GNAI1: variants seen among roughly 807,000 people sequenced by gnomAD.
GNAI1 encodes guanine nucleotide-binding protein G(i) subunit alpha-1.
GNAI1 carries 11 observed loss-of-function variants against 38.9 expected under a neutral mutation model. That is an observed-to-expected ratio of 0.28 (90% CI 0.18 to 0.47). GNAI1 has a LOEUF of 0.47. GNAI1 is among the 20% of genes least tolerant of loss of function. The probability of loss-of-function intolerance (pLI) is 0.99; values close to 1 mark genes in which losing one functional copy is unlikely to be tolerated. For synonymous variants in GNAI1, 166 were observed against 145.1 expected (o/e 1.14, Z -1.04); for missense variants, 317 against 436.9 (o/e 0.73, Z 2.45).
chr7:80,155,712 A>T (rs971111520), intron 1 of GNAI1, among the ~76,000 whole-genome samples: 5 of 151,768 alleles, frequency 3.3e-5, no homozygotes, highest in African/African-American at 1.2e-4. Context: ...TAGCACAGTT[A>T]CACAGTTAGA....
chr7:80,147,257 C>G (rs1360722526), intron 1 of GNAI1, among the ~76,000 whole-genome samples: 1 of 151,866 alleles, frequency 6.6e-6, no homozygotes, highest in Non-Finnish European at 1.5e-5. Flanking sequence ...CCAAAATTCA[C>G]ATGTCGAAAC....
In GNAI1 at chr7:80,222,382, A is replaced by ATTTTTTTTTTT. The variant is rs67345654; in HGVS notation, c.*4898_*4908dup. Among the ~76,000 whole-genome samples, 3 of 127,874 alleles carry ATTTTTTTTTTT rather than the reference A, an allele frequency of 2.3e-5. No homozygotes were observed. Among genetic ancestry groups the ATTTTTTTTTTT allele is most frequent in the African/African-American group, 3.0e-5 (1 of 33,784 alleles). The allele number at this position is 127,874 out of a possible 152,430, so 83.9% of individuals were successfully genotyped here. A position where few individuals can be genotyped will look rare whatever the true frequency, so the allele number is the denominator to read the frequency against. ...TGAAGGAGCTAGTTCTTCAAATTTAATTTTTTTTTTTTTTTTTTTCCTGAG... is the reference window on the plus strand; with the variant it reads ...TGAAGGAGCTAGTTCTTCAAATTTAATTTTTTTTTTTTTTTTTTTTTTTTTTTTTTCCTGAG... On this transcript the variant is annotated 3_prime_UTR_variant, in exon 8 of 8. Transcript: ENST00000649796.
intron 1 of GNAI1, among the ~76,000 whole-genome samples, chr7:80,170,704 A>G (rs1374309134): frequency 6.6e-6 from 1 of 152,072 alleles, no homozygotes; most frequent in African/African-American, 2.4e-5. Flanking sequence ...ATCTCAGATA[A>G]CTCACTCACT....
chr7:80,160,756 G>A (rs1199978173), intron 1 of GNAI1, among the ~76,000 whole-genome samples: 1 of 152,106 alleles, frequency 6.6e-6, no homozygotes, highest in East Asian at 1.9e-4. Flanking sequence ...GTTTTATTAA[G>A]GAGAGTATTT....
At chr7:80,195,948 C>T (rs937484108) in intron 3 of GNAI1, among the ~76,000 whole-genome samples, 2 of 151,854 alleles carry the variant, frequency 1.3e-5, no homozygotes, top group Non-Finnish European at 2.9e-5. Flanking sequence ...TCTTTCTTAC[C>T]TTTAATTATG....
chr7:80,188,426 TG>T (rs1477036142), intron 1 of GNAI1, among the ~76,000 whole-genome samples: 20 of 152,206 alleles, frequency 1.3e-4, no homozygotes, highest in African/African-American at 3.6e-4. Flanking sequence ...AGTAGAAGCA[TG>T]TTTTTTTATT....
intron 1 of GNAI1, among the ~76,000 whole-genome samples, chr7:80,136,929 C>A (rs950095333): frequency 2.0e-5 from 3 of 152,288 alleles, no homozygotes; most frequent in East Asian, 1.9e-4. Flanking sequence ...CAGAAGAGAT[C>A]AGTGTGTCTT....
intron 1 of GNAI1, among the ~76,000 whole-genome samples, chr7:80,165,610 TTTCTC>T (rs1431708575): frequency 1.3e-5 from 2 of 152,224 alleles, no homozygotes; most frequent in African/African-American, 2.4e-5. Context: ...GGCAGAATGT[TTTCTC>T]TTTCTCTTGT....
chr7:80,207,991 A>G (rs1203417385), intron 5 of GNAI1, among the ~76,000 whole-genome samples: 4 of 152,062 alleles, frequency 2.6e-5, no homozygotes, highest in African/African-American at 4.8e-5. Context: ...TTTCATTTCT[A>G]TAGTAGTATA....
chr7:80,214,189 T>C (rs1024871412), intron 7 of GNAI1, among the ~76,000 whole-genome samples: 2 of 152,206 alleles, frequency 1.3e-5, no homozygotes, highest in Non-Finnish European at 2.9e-5. Context: ...AAATTACACT[T>C]CAGTTCAAAC....
intron 3 of GNAI1, among the ~76,000 whole-genome samples, chr7:80,189,867 T>G (rs1480808544): frequency 1.3e-5 from 2 of 151,818 alleles, no homozygotes; most frequent in Non-Finnish European, 2.9e-5. Context: ...TGCCTGTGCC[T>G]CCTCATTTGG....
chr7:80,144,838 G>GATCCATGT (rs1787590646), intron 1 of GNAI1, among the ~76,000 whole-genome samples: 1 of 152,122 alleles, frequency 6.6e-6, no homozygotes, highest in Admixed American at 6.5e-5. Flanking sequence ...GCTTGAAATT[G>GATCCATGT]ATCCATGTAT....
intron 1 of GNAI1, among the ~76,000 whole-genome samples, chr7:80,153,355 G>A (rs1199351574): frequency 1.3e-5 from 2 of 152,044 alleles, no homozygotes; most frequent in Non-Finnish European, 2.9e-5. Context: ...GTAAGCTGTA[G>A]TTAATGCTTG....
At chr7:80,175,509 C>T (rs1356107161) in intron 1 of GNAI1, among the ~76,000 whole-genome samples, 1 of 150,122 alleles carries the variant, frequency 6.7e-6, no homozygotes, top group African/African-American at 2.5e-5. Context: ...ACAGGCATAC[C>T]TTGTATTATT....
In GNAI1 at chr7:80,217,779, T is replaced by C. The variant is rs1029961321; in HGVS notation, c.*286T>C. ...GTAAATATGCAAATGTATGTATACA[T>C]GTATTTATGACTTTAGTTTTCGACA... is the stretch of plus-strand genomic sequence containing the variant. On this transcript the variant is annotated 3_prime_UTR_variant, in exon 8 of 8. Coordinates refer to ENST00000649796, the MANE Select transcript of GNAI1 (RefSeq NM_002069.6). 9.8e-6 allele frequency: 2 copies of C among 204,382 alleles called. No homozygotes were observed. Among genetic ancestry groups the C allele is most frequent in the East Asian group, 1.0e-4 (1 of 9,756 alleles). 12.7% of individuals were successfully genotyped at this position (204,382 alleles called of 1,614,324 possible).
At chr7:80,209,950 C>G (rs149995097) in intron 5 of GNAI1, among the ~76,000 whole-genome samples, 4 of 152,240 alleles carry the variant, frequency 2.6e-5, no homozygotes, top group East Asian at 3.9e-4. Flanking sequence ...AAGAAGCCCA[C>G]TTAAGTGATC....
At chr7:80,215,871 G>T (rs1788959663) in intron 7 of GNAI1, among the ~76,000 whole-genome samples, 1 of 152,158 alleles carries the variant, frequency 6.6e-6, no homozygotes. Flanking sequence ...AGCCGGTGAA[G>T]TAGAATGAAG....
At chr7:80,168,804 A>G (rs1788056221) in intron 1 of GNAI1, among the ~76,000 whole-genome samples, 1 of 152,176 alleles carries the variant, frequency 6.6e-6, no homozygotes, top group Non-Finnish European at 1.5e-5. Context: ...CCAATTAAAT[A>G]ATAAATCCCC....
intron 1 of GNAI1, among the ~76,000 whole-genome samples, chr7:80,183,511 T>G (rs1788333744): frequency 6.6e-6 from 1 of 152,168 alleles, no homozygotes; most frequent in Non-Finnish European, 1.5e-5. Context: ...ATAAGATAAC[T>G]TGGCTAAATC....
Sources: gnomAD v4.1 joint callset for allele counts (sites outside exome capture counted in the v4.1 genomes callset) on GRCh38, gnomAD v4.1.1 for gene constraint, MANE v1.5 for transcripts, NCBI Gene and HGNC (gene_info 2026-07-23, HGNC 2026-07-21) for gene names.